The following WNT9B variants were observed in gnomAD, a reference collection of about 807,000 sequenced individuals.
The protein encoded by WNT9B is protein Wnt-9b.
A neutral mutation model predicts 30.2 loss-of-function variants in WNT9B; 12 were observed. The observed-to-expected ratio is 0.40, with a 90% CI of 0.26 to 0.64. The LOEUF is 0.64. Ranked by LOEUF, WNT9B falls within the 30% of genes least tolerant of loss-of-function variation. The pLI, the probability that WNT9B is intolerant of heterozygous loss-of-function variation, is 0.42. For missense variants in WNT9B, 442 were observed against 485.2 expected (o/e 0.91, Z 0.84); for synonymous variants, 218 against 216.9 (o/e 1.01, Z -0.05).
intron 1 of WNT9B, among the ~76,000 whole-genome samples, chr17:46,846,027 G>A (rs564419866): frequency 1.3e-5 from 2 of 152,214 alleles, no homozygotes; most frequent in African/African-American, 2.4e-5. Flanking sequence ...CTGATCTCAG[G>A]TGCTCCACCC....
intron 1 of WNT9B, among the ~76,000 whole-genome samples, chr17:46,853,970 G>A (rs2096060961): frequency 6.6e-6 from 1 of 152,058 alleles, no homozygotes; most frequent in Admixed American, 6.6e-5. Context: ...CCTTGAAAAT[G>A]ACATGTGAGA....
At chr17:46,851,394 C>A (rs1441798186), upstream of WNT9B, among the ~76,000 whole-genome samples, 4 of 150,206 alleles carry the variant, frequency 2.7e-5, no homozygotes, top group African/African-American at 7.3e-5. The surrounding 1 kb of genome is among the most constrained non-coding windows in gnomAD (Gnocchi z 4.3). Context: ...GAGGGCGGGG[C>A]AATGGGGGAG....
chr17:46,839,965 TTTC>T lies in WNT9B; in HGVS notation c.95+6528_95+6530del, dbSNP rs1446206220. On this transcript the variant is annotated intron_variant, in intron 1 of 2. Transcript: ENST00000575372. ...CTTTCTTTCTTTCTTTCTTTCTTTCTTTCTTTCTTTCTCTTCTTTCTTTCTTTT... is the reference window on the plus strand; with the variant it reads ...CTTTCTTTCTTTCTTTCTTTCTTTCTTTTCTTTCTCTTCTTTCTTTCTTTT... Among the ~76,000 whole-genome samples, 265 of 137,414 alleles carry T rather than the reference TTTC, an allele frequency of 1.9e-3. 1 individual carries two copies. The highest frequency in any genetic ancestry group is 3.1e-3 in the Non-Finnish European group (192 of 62,876). The allele number at this position is 137,414 out of a possible 152,430, so 90.1% of individuals were successfully genotyped here. A position where few individuals can be genotyped will look rare whatever the true frequency, so the allele number is the denominator to read the frequency against.
chr17:46,862,375 C>T (rs1289664968), intron 1 of WNT9B, among the ~76,000 whole-genome samples: 2 of 152,130 alleles, frequency 1.3e-5, no homozygotes, highest in Non-Finnish European at 2.9e-5. Context: ...AGGTAGACAT[C>T]TACAGGTTGG....
At chr17:46,872,403 A>C (rs2085260893) in intron 1 of WNT9B, 114 bp from the exon 2 acceptor site, 2 of 1,361,402 alleles carry the variant, frequency 1.5e-6, no homozygotes, top group African/African-American at 1.5e-5. Flanking sequence ...CCAGCGGGTC[A>C]GCCTGCTGCC....
chr17:46,872,547 C>T lies in WNT9B; in HGVS notation c.108C>T (p.Phe36=). 1.3e-6 allele frequency: 2 copies of T among 1,571,516 alleles called. No homozygotes were observed. Among genetic ancestry groups the T allele is most frequent in the Non-Finnish European group, 1.7e-6 (2 of 1,156,358 alleles). Residue 36 remains phenylalanine (F), a synonymous_variant, in exon 2 of 4, where the codon TTC becomes TTT. Transcript: ENST00000290015. ...GLTGREVLTP[F]PGLGTAAAPA... is the part of the protein sequence containing the mutation. Reference sequence around the variant, plus strand: ...CCGGGCGGGAAGTCCTGACGCCCTTCCCAGGATTGGGCACTGCGGCAGCCC... The same window carrying T: ...CCGGGCGGGAAGTCCTGACGCCCTTTCCAGGATTGGGCACTGCGGCAGCCC...
chr17:46,876,894 C>T lies in WNT9B; in HGVS notation c.*176C>T, dbSNP rs1056872914. 1.4e-5 allele frequency: 19 copies of T among 1,378,640 alleles called. No homozygotes were observed. The highest frequency in any genetic ancestry group is 2.7e-4 in the Middle Eastern group (1 of 3,728). The allele number at this position is 1,378,640 out of a possible 1,614,324, so 85.4% of individuals were successfully genotyped here. ...TCCTTGGCCAGCCTTTTGCCTCCCT[C>T]GATACTCAACAAAGAGAAGCAAAGC... On this transcript the variant is annotated 3_prime_UTR_variant, in exon 4 of 4. Transcript: ENST00000290015.
At chr17:46,848,888 G>A (rs556074774), upstream of WNT9B, among the ~76,000 whole-genome samples, 4 of 152,244 alleles carry the variant, frequency 2.6e-5, no homozygotes, top group East Asian at 7.7e-4. Flanking sequence ...AGGGCTTGAG[G>A]CTTTAGTGAG....
chr17:46,858,128 T>A (rs2084970043), intron 1 of WNT9B, among the ~76,000 whole-genome samples: 1 of 152,102 alleles, frequency 6.6e-6, no homozygotes, highest in Admixed American at 6.5e-5. Context: ...TAAGGTTTCA[T>A]CATGTTGGCC....
intron 1 of WNT9B, among the ~76,000 whole-genome samples, chr17:46,834,868 G>A (rs1194498161): frequency 1.3e-5 from 2 of 152,176 alleles, no homozygotes; most frequent in Admixed American, 1.3e-4. Context: ...GTCTCTGGAG[G>A]CCCACCTTAC....
Position 46,875,371 on chromosome 17 carries a change from G to A in WNT9B, c.600+5G>A, listed in dbSNP as rs2085327711. 6.3e-7 allele frequency: 1 copy of A among 1,591,556 alleles called. No homozygotes were observed. The highest frequency in any genetic ancestry group is 8.6e-7 in the Non-Finnish European group (1 of 1,165,992). On this transcript the variant is annotated splice_donor_5th_base_variant and intron_variant, in intron 3 of 3. Transcript: ENST00000290015. ...AATACCCACGTGGGCATCAAGGTGA[G>A]CATGTCCCTGGCTGCCCGCAGTGCC...
In WNT9B at chr17:46,876,325, G is replaced by C. The variant is rs759676285; in HGVS notation, c.681G>C (p.Gln227His). The C allele has an allele frequency of 1.2e-6, 2 of 1,614,178 alleles. No individual in the cohort carries two copies. Among genetic ancestry groups the C allele is most frequent in the Non-Finnish European group, 1.7e-6 (2 of 1,180,038 alleles). ...GTGCCGTGCGCACCTGCTGGAAGCA[G>C]CTCTCCCCGTTCCGTGAGACGGGCC... Reference protein sequence around the residue: ...GSCAVRTCWKQLSPFRETGQV... With the variant: ...GSCAVRTCWKHLSPFRETGQV... The change falls in exon 4 of 4, where the codon CAG (glutamine) becomes CAC (histidine). Residue 227 changes from glutamine to histidine, a missense_variant. Coordinates refer to ENST00000290015, the MANE Select transcript of WNT9B (RefSeq NM_003396.3).
Position 46,851,784 on chromosome 17 carries a change from G to T in WNT9B, c.77+69G>T. The T allele has an allele frequency of 1.2e-6, 1 of 860,412 alleles. No individual in the cohort carries two copies. Among genetic ancestry groups the T allele is most frequent in the Non-Finnish European group, 1.6e-6 (1 of 642,476 alleles). 53.3% of individuals were successfully genotyped at this position (860,412 alleles called of 1,614,324 possible). A position where few individuals can be genotyped will look rare whatever the true frequency, so the allele number is the denominator to read the frequency against. The stretch of plus-strand genomic sequence containing the variant: ...TCTCTCCCTCCTGCGCTACAGCTGG[G>T]CCAATTTTTCCCTCCCGCTGTCCTT... On this transcript the variant is annotated intron_variant, in intron 1 of 3. Coordinates refer to ENST00000290015, the MANE Select transcript of WNT9B (RefSeq NM_003396.3). This position sits in a 1 kb window ranked among gnomAD's most constrained non-coding sequence, Gnocchi z 4.3.
chr17:46,859,828 G>T (rs750146475), intron 1 of WNT9B, among the ~76,000 whole-genome samples: 1 of 152,090 alleles, frequency 6.6e-6, no homozygotes, highest in African/African-American at 2.4e-5. Context: ...TTGCACACAG[G>T]CCATATCTTT....
chr17:46,851,730 C>T lies in WNT9B; in HGVS notation c.77+15C>T, dbSNP rs1455436140. On this transcript the variant is annotated intron_variant, in intron 1 of 3. Coordinates refer to ENST00000290015, the MANE Select transcript of WNT9B (RefSeq NM_003396.3). The surrounding 1 kb of genome is among the most constrained non-coding windows in gnomAD (Gnocchi z 4.3). Reference sequence around the variant, plus strand: ...TCCTACTTCGGGTCAGTGCCCGCCGCGCCCCCCGCCCGCTCCCCGGCCTGC... The same window carrying T: ...TCCTACTTCGGGTCAGTGCCCGCCGTGCCCCCCGCCCGCTCCCCGGCCTGC... 6.4e-6 allele frequency: 8 copies of T among 1,258,538 alleles called. No individual in the cohort carries two copies. In the East Asian group the frequency reaches 2.5e-4, roughly 40 times the overall value. 78.0% of individuals were successfully genotyped at this position (1,258,538 alleles called of 1,614,324 possible).
intron 3 of WNT9B, 21 bp from the exon 4 acceptor site, chr17:46,876,224 T>A (rs2085343144): frequency 1.1e-5 from 17 of 1,583,394 alleles, no homozygotes; most frequent in Non-Finnish European, 1.5e-5. Flanking sequence ...TGACCACGCC[T>A]CTGTTCTGCC....
At chr17:46,860,258 C>A (rs1300209629) in intron 1 of WNT9B, among the ~76,000 whole-genome samples, 3 of 152,110 alleles carry the variant, frequency 2.0e-5, no homozygotes, top group South Asian at 4.1e-4. Flanking sequence ...GGAAGCGGGG[C>A]CGGCAGACTC....
In WNT9B at chr17:46,875,153, C is replaced by T. The variant is rs2085323480; in HGVS notation, c.387C>T (p.His129=). The T allele has an allele frequency of 1.2e-6, 2 of 1,613,940 alleles. No homozygotes were observed. The highest frequency in any genetic ancestry group is 1.7e-6 in the Non-Finnish European group (2 of 1,180,046). Reference sequence around the variant, plus strand: ...CGGTGTCCTCTGCCGCCCTCACCCACACCCTGGCCCGGGCCTGCAGCGCTG... The same window carrying T: ...CGGTGTCCTCTGCCGCCCTCACCCATACCCTGGCCCGGGCCTGCAGCGCTG... ...LYAVSSAALT[H]TLARACSAGR... is the part of the protein sequence containing the mutation. Residue 129 remains histidine, a synonymous_variant, in exon 3 of 4, where the codon CAC becomes CAT. Transcript: ENST00000290015.
chr17:46,856,658 AT>A (rs1426528760), intron 1 of WNT9B, among the ~76,000 whole-genome samples: 2 of 151,812 alleles, frequency 1.3e-5, no homozygotes, highest in African/African-American at 4.8e-5. Flanking sequence ...TAATTTTTGT[AT>A]TTTTAGTGAA....
Sources: gnomAD v4.1 joint callset for allele counts (sites outside exome capture counted in the v4.1 genomes callset) on GRCh38, gnomAD v4.1.1 for gene constraint, Gnocchi (gnomAD v3.1) non-coding constraint, MANE v1.5 for transcripts, NCBI Gene and HGNC (gene_info 2026-07-23, HGNC 2026-07-21) for gene names.